Variants in MACROH2A2 observed in about 807,000 individuals in gnomAD.
The protein encoded by MACROH2A2 is macroH2A.2 histone, also known as core histone macro-H2A.2.
In MACROH2A2, 6 loss-of-function variants were observed where a neutral mutation model predicts 37.6. The observed-to-expected ratio is 0.16, with a 90% CI of 0.09 to 0.32. MACROH2A2 has a LOEUF of 0.32. Ranked by LOEUF, MACROH2A2 falls within the 10% of genes least tolerant of loss-of-function variation. The pLI is 1.00. For missense variants in MACROH2A2, 290 were observed against 485.9 expected (o/e 0.60, Z 3.79); for synonymous variants, 192 against 202.7 (o/e 0.95, Z 0.45).
intron 2 of MACROH2A2, among the ~76,000 whole-genome samples, chr10:70,088,334 T>C (rs535659911): frequency 3.3e-5 from 5 of 152,248 alleles, no homozygotes; most frequent in African/African-American, 1.2e-4. Flanking sequence ...AACAACACAT[T>C]GGCACATTCC....
At chr10:70,057,395 G>A (rs1049768789) in intron 1 of MACROH2A2, among the ~76,000 whole-genome samples, 2 of 152,104 alleles carry the variant, frequency 1.3e-5, no homozygotes, top group Non-Finnish European at 2.9e-5. Context: ...GATCACTCAA[G>A]TCCCTTTCAG....
Position 70,108,661 on chromosome 10 carries a change from G to A in MACROH2A2, c.779-372G>A, listed in dbSNP as rs376000002. Among the ~76,000 whole-genome samples, 13 of 152,292 alleles carry A rather than the reference G, an allele frequency of 8.5e-5. No individual in the cohort carries two copies. In the East Asian group the frequency reaches 2.3e-3, roughly 27 times the overall value. ...GGGAACACCCACAGGTTTCAGGGAG[G>A]AGGACGTGGATGTTTTGGGATGCCA... On this transcript the variant is annotated intron_variant, in intron 7 of 8. Coordinates refer to ENST00000373255, the MANE Select transcript of MACROH2A2 (RefSeq NM_018649.3).
intron 1 of MACROH2A2, among the ~76,000 whole-genome samples, chr10:70,069,084 A>G: frequency 6.6e-6 from 1 of 152,240 alleles, no homozygotes; most frequent in East Asian, 1.9e-4. Flanking sequence ...TTATTTGAAT[A>G]GTCTGGTGTG....
intron 6 of MACROH2A2, among the ~76,000 whole-genome samples, chr10:70,097,494 CCT>C (rs1351170932): frequency 6.6e-6 from 1 of 152,096 alleles, no homozygotes; most frequent in African/African-American, 2.4e-5. Flanking sequence ...CAGCCAAGGC[CCT>C]GTCTTACTCT....
rs200850367 is a variant in MACROH2A2 at position 70,075,633 on chromosome 10, C to G, written c.-26C>G. The G allele has an allele frequency of 1.6e-5, 25 of 1,612,152 alleles. No homozygotes were observed. The highest frequency in any genetic ancestry group is 2.1e-5 in the Non-Finnish European group (25 of 1,178,554). ...TAGTGCCGGGAGGCCACTGTGTCAG[C>G]AAGCTGAGAGGGAAACTGAAGCAAG... On this transcript the variant is annotated 5_prime_UTR_variant, in exon 2 of 9. Transcript: ENST00000373255. This position sits in a 1 kb window ranked among gnomAD's most constrained non-coding sequence, Gnocchi z 5.0.
At chr10:70,077,339 G>A (rs1291581125) in intron 2 of MACROH2A2, among the ~76,000 whole-genome samples, 1 of 152,130 alleles carries the variant, frequency 6.6e-6, no homozygotes, top group Non-Finnish European at 1.5e-5. Flanking sequence ...AAGCTGAGGC[G>A]GGTGGATCAC....
At chr10:70,094,517 G>A (rs1253497728) in intron 5 of MACROH2A2, among the ~76,000 whole-genome samples, 1 of 152,216 alleles carries the variant, frequency 6.6e-6, no homozygotes, top group Non-Finnish European at 1.5e-5. Flanking sequence ...ATCTCTGGTA[G>A]CTGAATGTTT....
chr10:70,112,193 A>C lies in MACROH2A2; in HGVS notation c.*510A>C, dbSNP rs2072382000. 1 of 151,722 alleles carries C rather than the reference A, an allele frequency of 6.6e-6. No individual in the cohort carries two copies. The highest frequency in any genetic ancestry group is 2.1e-4 in the South Asian group (1 of 4,800). 9.4% of individuals were successfully genotyped at this position (151,722 alleles called of 1,614,324 possible). A position where few individuals can be genotyped will look rare whatever the true frequency, so the allele number is the denominator to read the frequency against. Reference sequence around the variant, plus strand: ...TGTAACTACTCCTAAAAAGGTTTTGATTCAGGCTTTTTTTTGGTTTCATTT... The same window carrying C: ...TGTAACTACTCCTAAAAAGGTTTTGCTTCAGGCTTTTTTTTGGTTTCATTT... On this transcript the variant is annotated 3_prime_UTR_variant, in exon 9 of 9. Coordinates refer to ENST00000373255, the MANE Select transcript of MACROH2A2 (RefSeq NM_018649.3).
intron 1 of MACROH2A2, among the ~76,000 whole-genome samples, chr10:70,058,476 T>G (rs912967675): frequency 6.6e-6 from 1 of 152,096 alleles, no homozygotes; most frequent in Non-Finnish European, 1.5e-5. Flanking sequence ...GGCCAAAGAT[T>G]TAGGGGTTGT....
At chr10:70,054,994 C>T (rs971214071) in intron 1 of MACROH2A2, among the ~76,000 whole-genome samples, 2 of 152,144 alleles carry the variant, frequency 1.3e-5, no homozygotes, top group South Asian at 4.1e-4. Context: ...AAGAATTTAC[C>T]TCCTTGAATC....
chr10:70,073,234 C>T (rs932222843), intron 1 of MACROH2A2, among the ~76,000 whole-genome samples: 10 of 152,194 alleles, frequency 6.6e-5, no homozygotes, highest in Non-Finnish European at 1.5e-4. Context: ...TCCCCTCTTT[C>T]CTGCGACAGG....
At chr10:70,106,712 C>T (rs1029768216) in intron 7 of MACROH2A2, among the ~76,000 whole-genome samples, 1 of 148,170 alleles carries the variant, frequency 6.7e-6, no homozygotes, top group African/African-American at 2.5e-5. Context: ...GCAGGAGAAT[C>T]GAATCGCTTG....
chr10:70,105,619 A>G (rs1186684963), intron 7 of MACROH2A2, among the ~76,000 whole-genome samples: 1 of 152,052 alleles, frequency 6.6e-6, no homozygotes, highest in Non-Finnish European at 1.5e-5. Context: ...GAGCAGTTGC[A>G]GATTCTGAGT....
Position 70,093,760 on chromosome 10 carries a change from A to G in MACROH2A2, c.503A>G (p.Glu168Gly). The G allele has an allele frequency of 6.2e-7, 1 of 1,609,316 alleles. No homozygotes were observed. Among genetic ancestry groups the G allele is most frequent in the Non-Finnish European group, 8.5e-7 (1 of 1,175,574 alleles). The stretch of plus-strand genomic sequence containing the variant: ...TCCAAACCAAAGGACAGCGATAAAG[A>G]AGGAACTTCAAATTCCACCTCTGAA... ...KKSKPKDSDK[E>G]GTSNSTSEDG... Residue 168 changes from glutamate to glycine, a missense_variant, in exon 5 of 9, where the codon GAA (glutamate) becomes GGA (glycine). This residue lies in a region of MACROH2A2 where 77 missense variants were observed against 68.9 expected (regional missense o/e 1.12). Transcript: ENST00000373255.
At chr10:70,085,547 ATCT>A (rs1456024740) in intron 2 of MACROH2A2, among the ~76,000 whole-genome samples, 1 of 152,188 alleles carries the variant, frequency 6.6e-6, no homozygotes, top group Non-Finnish European at 1.5e-5. Context: ...GCTATTTCCC[ATCT>A]TCTGTGGGCT....
At chr10:70,084,488 G>A (rs1338869692) in intron 2 of MACROH2A2, among the ~76,000 whole-genome samples, 1 of 152,174 alleles carries the variant, frequency 6.6e-6, no homozygotes, top group African/African-American at 2.4e-5. Context: ...GGTTAAAACT[G>A]CGAGCCCAGG....
chr10:70,100,092 C>A (rs771063958), intron 6 of MACROH2A2, 116 bp from the exon 7 acceptor site: 2 of 594,984 alleles, frequency 3.4e-6, no homozygotes, highest in Non-Finnish European at 6.0e-6. Flanking sequence ...TTGGGAAGTT[C>A]AATTCCTAGT....
At chr10:70,069,950 T>C (rs2072099619) in intron 1 of MACROH2A2, among the ~76,000 whole-genome samples, 1 of 151,976 alleles carries the variant, frequency 6.6e-6, no homozygotes, top group Non-Finnish European at 1.5e-5. Context: ...TGGGGAGAGG[T>C]GGTCTTTAGA....
intron 1 of MACROH2A2, among the ~76,000 whole-genome samples, chr10:70,069,095 A>G (rs766989447): frequency 6.6e-6 from 1 of 152,214 alleles, no homozygotes; most frequent in Non-Finnish European, 1.5e-5. Flanking sequence ...GTCTGGTGTG[A>G]GTTTATTGCC....
Sources: gnomAD v4.1 joint callset for allele counts (sites outside exome capture counted in the v4.1 genomes callset) on GRCh38, gnomAD v4.1.1 for gene constraint, gnomAD v4.1.1 regional missense constraint, Gnocchi (gnomAD v3.1) non-coding constraint, MANE v1.5 for transcripts, NCBI Gene and HGNC (gene_info 2026-07-23, HGNC 2026-07-21) for gene names.